IL1RAPL2: variants seen among roughly 807,000 people sequenced by gnomAD.
The protein encoded by IL1RAPL2 is interleukin 1 receptor accessory protein like 2.
Under a neutral mutation model 44.1 loss-of-function variants are expected in IL1RAPL2, and 3 were observed. That is an observed-to-expected ratio of 0.07 (90% CI 0.03 to 0.18). IL1RAPL2 has a LOEUF of 0.18. Ranked by LOEUF, IL1RAPL2 falls within the 10% of genes least tolerant of loss-of-function variation. The pLI is 1.00. For missense variants in IL1RAPL2, 391 were observed against 496.4 expected (o/e 0.79, Z 2.02); for synonymous variants, 181 against 178.8 (o/e 1.01, Z -0.10).
At chrX:104,924,199 A>G (rs1156903341) in intron 2 of IL1RAPL2, among the ~76,000 whole-genome samples, 5 of 111,708 alleles carry the variant, frequency 4.5e-5, no homozygotes, top group South Asian at 3.7e-4. Flanking sequence ...CACTGATAAC[A>G]ATACAATAAT....
intron 6 of IL1RAPL2, among the ~76,000 whole-genome samples, chrX:105,586,325 C>A: frequency 9.0e-6 from 1 of 111,445 alleles, no homozygotes; most frequent in Admixed American, 9.5e-5. Flanking sequence ...GTCAGAATGG[C>A]AATTTTTAAA....
intron 2 of IL1RAPL2, among the ~76,000 whole-genome samples, chrX:104,796,692 A>G (rs5962983): frequency 0.079 from 8,897 of 112,398 alleles, 368 homozygotes; most frequent in Middle Eastern, 0.24. Context: ...AGTCCTCACA[A>G]AGAAATTCCT....
intron 9 of IL1RAPL2, 59 bp downstream of exon 9, chrX:105,749,162 G>A: frequency 9.1e-7 from 1 of 1,095,863 alleles, no homozygotes; most frequent in Non-Finnish European, 1.2e-6. Flanking sequence ...GATTATGTAA[G>A]AGAACTTCCC....
At chrX:105,450,655 G>T (rs904960147) in intron 5 of IL1RAPL2, among the ~76,000 whole-genome samples, 3 of 111,526 alleles carry the variant, frequency 2.7e-5, no homozygotes, top group Middle Eastern at 4.7e-3. Flanking sequence ...GAAGTCTTCA[G>T]TATGTATTTC....
rs912382586 is a variant in IL1RAPL2 at position 104,908,108 on chromosome X, A to C, written c.82+249113A>C. On this transcript the variant is annotated intron_variant, in intron 2 of 10. Transcript: ENST00000372582. Reference sequence around the variant, plus strand: ...TTGTTGGTTTAAAGTCTGTTTTATCAGAGACTAGGATTGCAACCCCTGCCT... The same window carrying C: ...TTGTTGGTTTAAAGTCTGTTTTATCCGAGACTAGGATTGCAACCCCTGCCT... 5.4e-5 allele frequency among the ~76,000 whole-genome samples: 6 copies of C among 110,238 alleles called. No individual in the cohort carries two copies. In the Admixed American group the frequency reaches 5.8e-4, roughly 11 times the overall value.
intron 6 of IL1RAPL2, among the ~76,000 whole-genome samples, chrX:105,636,774 A>G (rs1453148785): frequency 1.8e-5 from 2 of 111,705 alleles, no homozygotes; most frequent in Non-Finnish European, 3.8e-5. Flanking sequence ...GTTGAACTAC[A>G]TAAGGAGGCA....
At chrX:105,723,921 A>G (rs1261771704) in intron 7 of IL1RAPL2, among the ~76,000 whole-genome samples, 2 of 111,754 alleles carry the variant, frequency 1.8e-5, no homozygotes, top group Admixed American at 1.9e-4. Context: ...AAACATTTAG[A>G]CCATAGCAAG....
intron 1 of IL1RAPL2, among the ~76,000 whole-genome samples, chrX:104,624,657 C>T (rs767794665): frequency 6.3e-5 from 7 of 111,674 alleles, no homozygotes; most frequent in South Asian, 3.7e-4. Context: ...GTCCTTACTT[C>T]CAGAATTTAT....
chrX:105,602,135 G>C (rs766431200), intron 6 of IL1RAPL2, among the ~76,000 whole-genome samples: 3 of 111,511 alleles, frequency 2.7e-5, no homozygotes, highest in Non-Finnish European at 5.7e-5. Context: ...AGCACCTCCA[G>C]TGGTAAAGTT....
At chrX:104,641,774 G>A (rs1929938396) in intron 1 of IL1RAPL2, among the ~76,000 whole-genome samples, 1 of 111,866 alleles carries the variant, frequency 8.9e-6, no homozygotes, top group Admixed American at 9.4e-5. Flanking sequence ...AATGCTCCCA[G>A]CTTGCTCCTC....
At chrX:105,369,439 G>A (rs2035320950) in intron 5 of IL1RAPL2, among the ~76,000 whole-genome samples, 2 of 111,163 alleles carry the variant, frequency 1.8e-5, no homozygotes, top group South Asian at 7.7e-4. Context: ...CTTGAGTAAG[G>A]TGAGATTGAA....
At chrX:104,870,865 A>G (rs1351954393) in intron 2 of IL1RAPL2, among the ~76,000 whole-genome samples, 1 of 111,167 alleles carries the variant, frequency 9.0e-6, no homozygotes, top group Non-Finnish European at 1.9e-5. Flanking sequence ...TAAGGGAGCT[A>G]TTTGTATATC....
chrX:105,489,748 T>C (rs1056941934), intron 6 of IL1RAPL2, among the ~76,000 whole-genome samples: 7 of 98,697 alleles, frequency 7.1e-5, no homozygotes. Flanking sequence ...CTCTCTCTCT[T>C]TCTTTCTTTC....
chrX:105,077,845 T>C (rs1183582886), intron 2 of IL1RAPL2, among the ~76,000 whole-genome samples: 1 of 112,287 alleles, frequency 8.9e-6, no homozygotes, highest in Non-Finnish European at 1.9e-5. Context: ...TTACTGAGGC[T>C]TGTGCATTCA....
Position 105,080,190 on chromosome X carries a change from G to C in IL1RAPL2, c.83-115285G>C, listed in dbSNP as rs190593063. On this transcript the variant is annotated intron_variant, in intron 2 of 10. Transcript: ENST00000372582. ...AGGTTGCCTGTTCACTCTGATGATA[G>C]TTTCTTTTGCTGTGCAGAAGCTCTT... 5.6e-3 allele frequency among the ~76,000 whole-genome samples: 631 copies of C among 112,110 alleles called. 3 individuals carry two copies. Among genetic ancestry groups the C allele is most frequent in the Middle Eastern group, 0.019 (4 of 216 alleles).
intron 2 of IL1RAPL2, among the ~76,000 whole-genome samples, chrX:104,756,602 A>G (rs1413948562): frequency 1.8e-5 from 2 of 110,788 alleles, no homozygotes; most frequent in East Asian, 5.7e-4. Flanking sequence ...AAAAGCTTGG[A>G]AAAAAAATTC....
At chrX:105,557,037 ATC>A (rs1357657845) in intron 6 of IL1RAPL2, among the ~76,000 whole-genome samples, 2 of 111,801 alleles carry the variant, frequency 1.8e-5, no homozygotes, top group Non-Finnish European at 3.8e-5. Context: ...TTTCCTTTTG[ATC>A]TCTCATATGG....
intron 2 of IL1RAPL2, among the ~76,000 whole-genome samples, chrX:104,706,154 A>G (rs1443283194): frequency 9.0e-6 from 1 of 111,362 alleles, no homozygotes; most frequent in African/African-American, 3.3e-5. Context: ...CAACTCTGCC[A>G]TTAACTGGCT....
intron 2 of IL1RAPL2, among the ~76,000 whole-genome samples, chrX:105,141,464 A>G (rs755197587): frequency 9.0e-6 from 1 of 111,400 alleles, no homozygotes; most frequent in African/African-American, 3.3e-5. Context: ...TATGTGTAGC[A>G]CTAAAGGCAC....
Sources: gnomAD v4.1 joint callset for allele counts (sites outside exome capture counted in the v4.1 genomes callset) on GRCh38, gnomAD v4.1.1 for gene constraint, MANE v1.5 for transcripts, NCBI Gene and HGNC (gene_info 2026-07-23, HGNC 2026-07-21) for gene names.